The following HS6ST2 variants were observed in gnomAD, a reference collection of about 807,000 sequenced individuals.
HS6ST2 encodes the protein heparan-sulfate 6-O-sulfotransferase 2.
A neutral mutation model predicts 33.0 loss-of-function variants in HS6ST2; 17 were observed. That is an observed-to-expected ratio of 0.52 (90% CI 0.35 to 0.77). The LOEUF is 0.77. HS6ST2 is among the 30% of genes least tolerant of loss of function. The pLI is 0.01. For missense variants in HS6ST2, 519 were observed against 551.7 expected (o/e 0.94, Z 0.59); for synonymous variants, 248 against 237.1 (o/e 1.05, Z -0.42).
chrX:132,786,296 C>T (rs969571693), intron 2 of HS6ST2, among the ~76,000 whole-genome samples: 3 of 111,814 alleles, frequency 2.7e-5, no homozygotes, highest in African/African-American at 9.7e-5. Context: ...GAAGTTGAAG[C>T]ACCAGCTTAT....
intron 2 of HS6ST2, among the ~76,000 whole-genome samples, chrX:132,900,150 G>A (rs2066414322): frequency 9.0e-6 from 1 of 111,442 alleles, no homozygotes; most frequent in South Asian, 3.8e-4. Context: ...TTCTGCAGAT[G>A]ATCATACCAA....
chrX:132,834,893 T>C (rs745659500), intron 2 of HS6ST2, among the ~76,000 whole-genome samples: 15 of 112,097 alleles, frequency 1.3e-4, no homozygotes, highest in Non-Finnish European at 2.6e-4. Flanking sequence ...GGCTCTCGCT[T>C]TCTCCCTAAG....
At chrX:132,932,832 A>G (rs1473132788) in intron 2 of HS6ST2, among the ~76,000 whole-genome samples, 1 of 105,439 alleles carries the variant, frequency 9.5e-6, no homozygotes, top group Non-Finnish European at 1.9e-5. Flanking sequence ...AATATATAAT[A>G]TTTTTCTATA....
chrX:132,874,824 C>T (rs113322916), intron 2 of HS6ST2, among the ~76,000 whole-genome samples: 1 of 111,503 alleles, frequency 9.0e-6, no homozygotes, highest in African/African-American at 3.2e-5. Context: ...CAACATCTGG[C>T]CCAAGATGAC....
chrX:132,957,116 G>T lies in HS6ST2; in HGVS notation c.639C>A (p.Gly213=), dbSNP rs2067086103. Residue 213 remains glycine, a synonymous_variant, in exon 2 of 5, where the codon GGC becomes GGA. Coordinates refer to ENST00000370833, the MANE Select transcript of HS6ST2 (RefSeq NM_001394073.1). ...CGAAGTCTACCTTGCGCAGGAGGTC[G>T]CCGCGGGTGAAATTGTAGCGGGGCA... The part of the protein sequence containing the change: ...RFVPRYNFTR[G]DLLRKVDFDI... 4 of 1,211,553 alleles carry T rather than the reference G, an allele frequency of 3.3e-6. No homozygotes were observed. The East Asian group carries it at 8.9e-5, about 27-fold the overall frequency.
chrX:132,678,271 G>C (rs2063939672), intron 3 of HS6ST2, among the ~76,000 whole-genome samples: 2 of 112,057 alleles, frequency 1.8e-5, no homozygotes, highest in Non-Finnish European at 3.8e-5. Flanking sequence ...TGGGAAAATG[G>C]CTGGAGCCTG....
At chrX:132,791,838 C>G (rs1438717277) in intron 2 of HS6ST2, among the ~76,000 whole-genome samples, 1 of 109,454 alleles carries the variant, frequency 9.1e-6, no homozygotes, top group African/African-American at 3.3e-5. Context: ...AAACAAATAG[C>G]TGGGTGTAGT....
intron 2 of HS6ST2, among the ~76,000 whole-genome samples, chrX:132,730,578 A>G (rs1384258743): frequency 2.7e-5 from 3 of 112,274 alleles, no homozygotes; most frequent in African/African-American, 9.7e-5. Flanking sequence ...GCATAGTTCA[A>G]GAAAAGCCCA....
intron 2 of HS6ST2, among the ~76,000 whole-genome samples, chrX:132,782,097 A>T (rs939844839): frequency 8.9e-6 from 1 of 111,907 alleles, no homozygotes; most frequent in Non-Finnish European, 1.9e-5. Flanking sequence ...GGGATGCTGA[A>T]GTATGTAAAT....
intron 2 of HS6ST2, among the ~76,000 whole-genome samples, chrX:132,823,511 A>G (rs1290905283): frequency 9.1e-6 from 1 of 109,375 alleles, no homozygotes; most frequent in Non-Finnish European, 1.9e-5. Context: ...TCCACTTATA[A>G]GTCAGAACAA....
intron 4 of HS6ST2, among the ~76,000 whole-genome samples, chrX:132,640,168 G>A (rs1299457579): frequency 1.8e-5 from 2 of 110,219 alleles, no homozygotes; most frequent in East Asian, 5.7e-4. Context: ...CATGTATACG[G>A]GTGCCAGCTT....
At chrX:132,820,065 A>T (rs1602713448) in intron 2 of HS6ST2, among the ~76,000 whole-genome samples, 1 of 112,135 alleles carries the variant, frequency 8.9e-6, no homozygotes, top group South Asian at 3.7e-4. Flanking sequence ...AGGCCCAAGG[A>T]CAAAGGCTGT....
intron 2 of HS6ST2, among the ~76,000 whole-genome samples, chrX:132,756,927 G>C (rs2148304535): frequency 9.2e-6 from 1 of 109,243 alleles, no homozygotes; most frequent in East Asian, 2.9e-4. Context: ...CAAGAACAAG[G>C]CTGATCTCAC....
chrX:132,656,834 C>G (rs1272274687), intron 4 of HS6ST2, among the ~76,000 whole-genome samples: 2 of 111,780 alleles, frequency 1.8e-5, no homozygotes, highest in Non-Finnish European at 3.8e-5. Context: ...CCAGACTACC[C>G]CATCACTTTC....
At chrX:132,877,803 C>T (rs1157258004) in intron 2 of HS6ST2, among the ~76,000 whole-genome samples, 2 of 110,450 alleles carry the variant, frequency 1.8e-5, no homozygotes, top group Non-Finnish European at 3.8e-5. Flanking sequence ...AAGCAGGGAA[C>T]ATAAGAGAGC....
chrX:132,913,209 C>A (rs571437439), intron 2 of HS6ST2, among the ~76,000 whole-genome samples: 8 of 111,332 alleles, frequency 7.2e-5, no homozygotes, highest in East Asian at 2.9e-4. Context: ...ACCTGCCAAA[C>A]GTGGGTACAA....
chrX:132,881,805 G>A (rs1187902897), intron 2 of HS6ST2, among the ~76,000 whole-genome samples: 1 of 111,672 alleles, frequency 9.0e-6, no homozygotes, highest in Admixed American at 9.5e-5. Flanking sequence ...TTTTGTATAA[G>A]GTGTAAGGAA....
chrX:132,859,675 G>T, intron 2 of HS6ST2, among the ~76,000 whole-genome samples: 1 of 96,865 alleles, frequency 1.0e-5, no homozygotes, highest in East Asian at 3.4e-4. Context: ...GAAGAGGGAG[G>T]GAGGGAGGGA....
intron 4 of HS6ST2, among the ~76,000 whole-genome samples, chrX:132,659,019 G>A (rs1052746623): frequency 2.7e-5 from 3 of 111,696 alleles, no homozygotes; most frequent in Non-Finnish European, 5.6e-5. Context: ...CAAAACACTA[G>A]CTCCTGTGAT....
Sources: gnomAD v4.1 joint callset for allele counts (sites outside exome capture counted in the v4.1 genomes callset) on GRCh38, gnomAD v4.1.1 for gene constraint, MANE v1.5 for transcripts, NCBI Gene and HGNC (gene_info 2026-07-23, HGNC 2026-07-21) for gene names.